The following GANC variants were observed in gnomAD, a reference collection of about 807,000 sequenced individuals.
GANC encodes neutral alpha-glucosidase C.
GANC carries 117 observed loss-of-function variants against 124.2 expected under a neutral mutation model. The observed-to-expected ratio is 0.94, with a 90% confidence interval of 0.81 to 1.10. The LOEUF is 1.10. GANC is among the 50% of genes least tolerant of loss of function. The pLI is 0.00. For missense variants in GANC, 1,140 were observed against 1,095.0 expected, an observed-to-expected ratio of 1.04 and a Z score of -0.58; for synonymous variants, 377 against 376.8, an observed-to-expected ratio of 1.00 and a Z score of -0.01.
rs770522178 is a variant in GANC, at chr15:42,326,329, T to A, written c.1325T>A (p.Ile442Asn). The stretch of plus-strand genomic sequence containing the variant: ...GTCATCAGTGATCCCCACATCAAGA[T>A]TGATCCTGACTACTCAGTATATGTG... ...LVVISDPHIKIDPDYSVYVKA... is the reference protein window; with the variant it reads ...LVVISDPHIKNDPDYSVYVKA... Residue 442 changes from isoleucine to asparagine, a missense_variant, in exon 12 of 24, where the codon ATT (isoleucine) becomes AAT (asparagine). Physicochemically the swap from Ile to Asn is moderately radical, Grantham distance 149. Transcript: ENST00000318010. 6.2e-7 allele frequency: 1 copy of A among 1,614,030 alleles called. No homozygotes were observed. The highest frequency in any genetic ancestry group is 8.5e-7 in the Non-Finnish European group (1 of 1,179,898).
chr15:42,334,406 C>T (rs2052268628), intron 15 of GANC, among the ~76,000 whole-genome samples: 1 of 152,128 alleles, frequency 6.6e-6, no homozygotes, highest in Non-Finnish European at 1.5e-5. Flanking sequence ...AAGTGATCTG[C>T]CCTCCTCGGC....
Position 42,273,413 on chromosome 15 carries a change from A to C in GANC, c.-1069A>C, listed in dbSNP as rs779188133. The C allele has an allele frequency of 4.3e-6, 7 of 1,613,688 alleles. No individual in the cohort carries two copies. The highest frequency in any genetic ancestry group is 5.9e-6 in the Non-Finnish European group (7 of 1,179,956). On this transcript the variant is annotated 5_prime_UTR_variant, in exon 1 of 24. Transcript: ENST00000318010. Reference sequence around the variant, plus strand: ...GCCGCCGCCATCTTCACAGCCGTGGAGTGCCTACCGAAAGCATTTCACCCT... The same window carrying C: ...GCCGCCGCCATCTTCACAGCCGTGGCGTGCCTACCGAAAGCATTTCACCCT...
chr15:42,309,554 A>G (rs1361426929), intron 8 of GANC, among the ~76,000 whole-genome samples: 1 of 151,712 alleles, frequency 6.6e-6, no homozygotes, highest in Non-Finnish European at 1.5e-5. Flanking sequence ...TCTTGACCTC[A>G]TGATCCACCT....
chr15:42,294,117 T>C (rs940986333), intron 5 of GANC, among the ~76,000 whole-genome samples: 1 of 151,618 alleles, frequency 6.6e-6, no homozygotes, highest in Non-Finnish European at 1.5e-5. Context: ...CTGTTTTCTT[T>C]TAAACATTGT....
intron 19 of GANC, among the ~76,000 whole-genome samples, chr15:42,345,073 A>G (rs2052353329): frequency 6.6e-6 from 1 of 152,192 alleles, no homozygotes; most frequent in African/African-American, 2.4e-5. Context: ...TAGAAGAAAG[A>G]AAAAGATGTT....
At chr15:42,296,578 A>G (rs1020470400) in intron 5 of GANC, among the ~76,000 whole-genome samples, 1 of 152,056 alleles carries the variant, frequency 6.6e-6, no homozygotes, top group African/African-American at 2.4e-5. Flanking sequence ...TTTTTAGTAG[A>G]GACAGGGTTT....
chr15:42,310,534 C>T (rs2052040689), intron 9 of GANC, 71 bp downstream of exon 9: 7 of 1,483,572 alleles, frequency 4.7e-6, no homozygotes, highest in Admixed American at 2.3e-5. Context: ...AGTTATAGCT[C>T]TTATCTTTGT....
At chr15:42,342,226 T>A (rs569844277) in intron 18 of GANC, among the ~76,000 whole-genome samples, 1 of 152,196 alleles carries the variant, frequency 6.6e-6, no homozygotes, top group South Asian at 2.1e-4. Flanking sequence ...AAGTAGTAAG[T>A]GGGTGAATTT....
intron 11 of GANC, among the ~76,000 whole-genome samples, chr15:42,322,941 C>T (rs904574943): frequency 2.0e-5 from 3 of 152,164 alleles, no homozygotes; most frequent in Non-Finnish European, 4.4e-5. Flanking sequence ...GTAAGGTTGA[C>T]TTTTCAACCC....
intron 4 of GANC, among the ~76,000 whole-genome samples, chr15:42,288,122 G>A (rs2051808802): frequency 6.6e-6 from 1 of 152,126 alleles, no homozygotes; most frequent in African/African-American, 2.4e-5. Context: ...CACAAAGAAA[G>A]TGGTTTTATT....
chr15:42,294,007 TGGCAC>T (rs1203340190), intron 5 of GANC, among the ~76,000 whole-genome samples: 25 of 151,550 alleles, frequency 1.6e-4, no homozygotes, highest in African/African-American at 5.9e-4. Context: ...GCTGCGACTG[TGGCAC>T]TGCACTCCAG....
At chr15:42,293,415 A>G (rs534898779) in intron 5 of GANC, among the ~76,000 whole-genome samples, 1 of 152,222 alleles carries the variant, frequency 6.6e-6, no homozygotes, top group East Asian at 1.9e-4. Flanking sequence ...TAAATCTTTT[A>G]GTCTATAGTT....
At chr15:42,292,665 G>T in intron 4 of GANC, 70 bp from the exon 5 acceptor site, 1 of 1,403,976 alleles carries the variant, frequency 7.1e-7, no homozygotes, top group South Asian at 1.3e-5. Flanking sequence ...TAATTACTTG[G>T]AAGTACAAAT....
chr15:42,313,957 ACAACAG>A, intron 10 of GANC: 6 of 641,820 alleles, frequency 9.3e-6, no homozygotes, highest in Non-Finnish European at 1.7e-5. Context: ...ATCTCTAAAA[ACAACAG>A]CAACAACAAC....
intron 6 of GANC, among the ~76,000 whole-genome samples, chr15:42,301,047 A>G (rs1200201925): frequency 6.6e-6 from 1 of 151,556 alleles, no homozygotes; most frequent in Non-Finnish European, 1.5e-5. Flanking sequence ...AAAGAAAGAA[A>G]ATGTGGTATG....
intron 12 of GANC, 119 bp downstream of exon 12, chr15:42,326,543 G>T: frequency 6.7e-7 from 1 of 1,490,402 alleles, no homozygotes; most frequent in Non-Finnish European, 9.0e-7. Context: ...TACATTTTAA[G>T]CATATAATTT....
intron 15 of GANC, among the ~76,000 whole-genome samples, chr15:42,332,239 G>T (rs989552997): frequency 6.6e-6 from 1 of 152,048 alleles, no homozygotes; most frequent in African/African-American, 2.4e-5. Flanking sequence ...ATAAGAAAAT[G>T]TAATACCTTG....
intron 5 of GANC, among the ~76,000 whole-genome samples, chr15:42,294,049 T>G (rs1292016001): frequency 1.3e-5 from 2 of 151,580 alleles, no homozygotes; most frequent in East Asian, 3.9e-4. Context: ...AGATTCTGTC[T>G]CAAAACAAAC....
At chr15:42,322,095 C>A in intron 11 of GANC, 75 bp downstream of exon 11, 3 of 1,193,318 alleles carry the variant, frequency 2.5e-6, no homozygotes, top group Non-Finnish European at 2.4e-6. Context: ...CTTGGCACAT[C>A]AGTGGTGGAG....
Sources: gnomAD v4.1 joint callset for allele counts (sites outside exome capture counted in the v4.1 genomes callset) on GRCh38, gnomAD v4.1.1 for gene constraint, MANE v1.5 for transcripts, NCBI Gene and HGNC (gene_info 2026-07-23, HGNC 2026-07-21) for gene names.